DLGAP1: variants seen among roughly 807,000 people sequenced by gnomAD.
DLGAP1 encodes the protein DLG associated protein 1.
DLGAP1 carries 11 observed loss-of-function variants against 90.8 expected under a neutral mutation model. That is an observed-to-expected ratio of 0.12 (90% CI 0.08 to 0.20). The LOEUF (loss-of-function observed/expected upper bound fraction) is 0.20, where lower values mean the gene tolerates loss of function less well. Ranked by LOEUF, DLGAP1 falls within the 10% of genes least tolerant of loss-of-function variation. DLGAP1 has a pLI of 1.00. For missense variants in DLGAP1, 1,050 were observed against 1,333.8 expected (o/e 0.79, Z 3.31); for synonymous variants, 558 against 540.7 (o/e 1.03, Z -0.44).
At chr18:4,120,661 A>G (rs1227704205) in intron 2 of DLGAP1, among the ~76,000 whole-genome samples, 1 of 149,594 alleles carries the variant, frequency 6.7e-6, no homozygotes, top group East Asian at 1.9e-4. Context: ...TTCTAAATTA[A>G]AAGTACTCAG....
chr18:3,848,882 G>T (rs1412155367), intron 4 of DLGAP1, among the ~76,000 whole-genome samples: 1 of 151,976 alleles, frequency 6.6e-6, no homozygotes, highest in African/African-American at 2.4e-5. Flanking sequence ...GTTTTCAGAG[G>T]GCAAAGTAGA....
chr18:4,304,522 G>C (rs1475560849), intron 1 of DLGAP1, among the ~76,000 whole-genome samples: 1 of 152,226 alleles, frequency 6.6e-6, no homozygotes, highest in African/African-American at 2.4e-5. Context: ...GATATAATTA[G>C]TTAATGATGC....
At chr18:4,186,838 C>G (rs528760891) in intron 1 of DLGAP1, among the ~76,000 whole-genome samples, 1 of 152,250 alleles carries the variant, frequency 6.6e-6, no homozygotes, top group South Asian at 2.1e-4. Flanking sequence ...AGTATTGAAT[C>G]TGTAAATTGC....
At chr18:4,177,652 G>A (rs1177132431) in intron 1 of DLGAP1, among the ~76,000 whole-genome samples, 1 of 152,010 alleles carries the variant, frequency 6.6e-6, no homozygotes, top group African/African-American at 2.4e-5. Flanking sequence ...GGTGTCTGCT[G>A]CTCCCTTCTT....
intron 1 of DLGAP1, among the ~76,000 whole-genome samples, chr18:4,253,758 T>G (rs1406947259): frequency 6.6e-6 from 1 of 152,156 alleles, no homozygotes; most frequent in East Asian, 1.9e-4. Context: ...CGATCACAAT[T>G]AAGGCTCTAG....
chr18:3,519,354 A>G (rs937246722), intron 10 of DLGAP1, among the ~76,000 whole-genome samples: 45 of 152,110 alleles, frequency 3.0e-4, no homozygotes, highest in African/African-American at 9.7e-4. Flanking sequence ...ACCATAAACC[A>G]ATGGTCCCCA....
intron 4 of DLGAP1, among the ~76,000 whole-genome samples, chr18:3,863,619 T>C (rs1287855844): frequency 6.6e-6 from 1 of 152,220 alleles, no homozygotes; most frequent in East Asian, 1.9e-4. Context: ...ACAGCGTCCA[T>C]GCCATTCCAT....
intron 7 of DLGAP1, among the ~76,000 whole-genome samples, chr18:3,647,342 T>C (rs2059158414): frequency 6.6e-6 from 1 of 151,990 alleles, no homozygotes; most frequent in Admixed American, 6.5e-5. Flanking sequence ...TTTTTTATAA[T>C]TTAATTTTTG....
intron 1 of DLGAP1, among the ~76,000 whole-genome samples, chr18:4,394,673 C>A (rs2082404563): frequency 6.6e-6 from 1 of 152,144 alleles, no homozygotes; most frequent in Admixed American, 6.5e-5. Context: ...CTTTGTAATA[C>A]AAATTCCTAT....
chr18:3,742,104 T>G (rs1421307538), intron 6 of DLGAP1, among the ~76,000 whole-genome samples: 1 of 152,142 alleles, frequency 6.6e-6, no homozygotes, highest in Non-Finnish European at 1.5e-5. Context: ...CCCTCTTCAT[T>G]GTGCTTTATC....
chr18:3,599,441 C>G (rs753851497), intron 7 of DLGAP1, among the ~76,000 whole-genome samples: 1 of 152,160 alleles, frequency 6.6e-6, no homozygotes. Flanking sequence ...TCAAGTTTGG[C>G]TAGTGGCTTT....
At chr18:3,502,160 T>C in intron 12 of DLGAP1, 1 of 1,158,588 alleles carries the variant, frequency 8.6e-7, no homozygotes, top group Non-Finnish European at 1.1e-6. Context: ...ATTCATGCAC[T>C]GAAGATGTCA....
intron 1 of DLGAP1, among the ~76,000 whole-genome samples, chr18:4,239,120 C>T (rs554795748): frequency 6.6e-6 from 1 of 152,286 alleles, no homozygotes; most frequent in South Asian, 2.1e-4. Flanking sequence ...CTATACCGTA[C>T]AGCAGCTCTG....
intron 7 of DLGAP1, among the ~76,000 whole-genome samples, chr18:3,715,148 A>T (rs2061722620): frequency 6.6e-6 from 1 of 152,244 alleles, no homozygotes; most frequent in Admixed American, 6.5e-5. Flanking sequence ...TCCCTCAAAC[A>T]GAGAGTTCCA....
At chr18:3,639,833 C>T (rs1457744517) in intron 7 of DLGAP1, among the ~76,000 whole-genome samples, 1 of 137,350 alleles carries the variant, frequency 7.3e-6, no homozygotes, top group Non-Finnish European at 1.5e-5. Context: ...CGGCTCACTG[C>T]AAGCTCCGCC....
At chr18:4,212,533 G>T (rs1243031905) in intron 1 of DLGAP1, among the ~76,000 whole-genome samples, 1 of 150,088 alleles carries the variant, frequency 6.7e-6, no homozygotes, top group Admixed American at 6.7e-5. Context: ...AAATCCAGGT[G>T]TGGTGGTGCG....
chr18:4,012,999 C>T (rs985906196), intron 2 of DLGAP1, among the ~76,000 whole-genome samples: 1 of 152,156 alleles, frequency 6.6e-6, no homozygotes, highest in Non-Finnish European at 1.5e-5. Flanking sequence ...GCCACCGGTC[C>T]CGGCCCTATT....
chr18:3,565,210 G>A lies in DLGAP1; in HGVS notation c.2057+2280C>T, dbSNP rs11872255. Among the ~76,000 whole-genome samples, 30,771 of 151,980 alleles carry A rather than the reference G, an allele frequency of 0.2. 3,501 individuals are homozygous for A. Among genetic ancestry groups the A allele is most frequent in the African/African-American group, 0.3 (12,276 of 41,442 alleles). On this transcript the variant is annotated intron_variant, in intron 9 of 12. Coordinates refer to ENST00000315677, the MANE Select transcript of DLGAP1 (RefSeq NM_004746.4). This position sits in a 1 kb window ranked among gnomAD's most constrained non-coding sequence, Gnocchi z 4.0. ...GCCACCCAGGCTGGAGCGCAATGGC[G>A]TCATCTTGGCTCACTGCAATCTCTG... is the stretch of plus-strand genomic sequence containing the variant.
Position 4,228,550 on chromosome 18 carries a change from T to A in DLGAP1, c.-266-77263A>T, listed in dbSNP as rs1267903894. ...AGATGGTTCAACATATGCAAATCCA[T>A]CAACACATCATATCAACAGAATGAA... On this transcript the variant is annotated intron_variant, in intron 1 of 12. Transcript: ENST00000315677. 2.6e-5 allele frequency among the ~76,000 whole-genome samples: 4 copies of A among 152,018 alleles called. No individual in the cohort carries two copies. The East Asian group carries it at 7.7e-4, about 29-fold the overall frequency.
Sources: gnomAD v4.1 joint callset for allele counts (sites outside exome capture counted in the v4.1 genomes callset) on GRCh38, gnomAD v4.1.1 for gene constraint, Gnocchi (gnomAD v3.1) non-coding constraint, MANE v1.5 for transcripts, NCBI Gene and HGNC (gene_info 2026-07-23, HGNC 2026-07-21) for gene names.